Variants in ITCH observed in about 807,000 individuals in gnomAD.
The protein encoded by ITCH is itchy E3 ubiquitin protein ligase.
ITCH carries 28 observed loss-of-function variants against 126.8 expected under a neutral mutation model. The observed-to-expected ratio is 0.22, with a 90% CI of 0.16 to 0.30. ITCH has a LOEUF of 0.30. Ranked by LOEUF, ITCH falls within the 10% of genes least tolerant of loss-of-function variation. The probability of loss-of-function intolerance (pLI) is 1.00; values close to 1 mark genes in which losing one functional copy is unlikely to be tolerated. For missense variants in ITCH, 631 were observed against 1,032.4 expected, an observed-to-expected ratio of 0.61 and a Z score of 5.33; for synonymous variants, 342 against 340.0, an observed-to-expected ratio of 1.01 and a Z score of -0.06.
Position 34,508,253 on chromosome 20 carries a change from C to T in ITCH, c.*459C>T, listed in dbSNP as rs1312482690. The T allele has an allele frequency of 5.3e-6, 1 of 188,520 alleles. No homozygotes were observed. The highest frequency in any genetic ancestry group is 1.0e-4 in the South Asian group (1 of 9,844). 11.7% of individuals were successfully genotyped at this position (188,520 alleles called of 1,614,324 possible). A position where few individuals can be genotyped will look rare whatever the true frequency, so the allele number is the denominator to read the frequency against. On this transcript the variant is annotated 3_prime_UTR_variant, in exon 25 of 25. Transcript: ENST00000374864. ...TTACTCCTGCTTCTGGGGATGTGAG[C>T]AAAATTCGGGCTTGTGTTCTCCCTC...
intron 7 of ITCH, among the ~76,000 whole-genome samples, chr20:34,426,641 G>A (rs1415895239): frequency 2.5e-5 from 3 of 119,924 alleles, no homozygotes; most frequent in Admixed American, 1.5e-4. Context: ...GTAAGAGATG[G>A]GGTTTTGCCA....
chr20:34,468,432 A>G (rs1258746093), intron 14 of ITCH, among the ~76,000 whole-genome samples: 2 of 152,134 alleles, frequency 1.3e-5, no homozygotes, highest in African/African-American at 2.4e-5. Flanking sequence ...TAAGACAAGG[A>G]TATCTACTGT....
intron 3 of ITCH, among the ~76,000 whole-genome samples, chr20:34,405,664 A>G (rs569018866): frequency 6.6e-6 from 1 of 152,226 alleles, no homozygotes; most frequent in Non-Finnish European, 1.5e-5. Context: ...TGTTTGGGCT[A>G]TTTCACCTTT....
At chr20:34,370,219 C>T (rs183826124) in intron 2 of ITCH, among the ~76,000 whole-genome samples, 84 of 151,966 alleles carry the variant, frequency 5.5e-4, no homozygotes, top group African/African-American at 1.9e-3. Flanking sequence ...TGACTTTCGG[C>T]GAGTTATTTA....
chr20:34,481,274 A>G, intron 20 of ITCH, 68 bp downstream of exon 20: 1 of 1,446,694 alleles, frequency 6.9e-7, no homozygotes, highest in South Asian at 1.1e-5. Context: ...GCTTACTAAT[A>G]CTAATGGAGA....
At chr20:34,469,944 A>C in intron 14 of ITCH, 104 bp from the exon 15 acceptor site, 1 of 847,480 alleles carries the variant, frequency 1.2e-6, no homozygotes, top group South Asian at 1.3e-5. Flanking sequence ...ATATTTTTGA[A>C]TTTGGTTAGT....
At chr20:34,374,707 G>T (rs2037766851) in intron 2 of ITCH, among the ~76,000 whole-genome samples, 1 of 151,928 alleles carries the variant, frequency 6.6e-6, no homozygotes, top group African/African-American at 2.4e-5. Context: ...CAAGGGAGCA[G>T]CTGTTAAAGC....
chr20:34,395,148 A>C (rs1349770080), intron 3 of ITCH, among the ~76,000 whole-genome samples: 1 of 151,076 alleles, frequency 6.6e-6, no homozygotes, highest in Non-Finnish European at 1.5e-5. Flanking sequence ...CAGGAGAATC[A>C]CTTGAACCTA....
intron 23 of ITCH, among the ~76,000 whole-genome samples, chr20:34,502,238 C>G (rs1990297031): frequency 6.6e-6 from 1 of 151,936 alleles, no homozygotes; most frequent in Admixed American, 6.6e-5. Context: ...AAATATGCTG[C>G]TAGGTATGGT....
At chr20:34,419,126 T>C (rs1160723820) in intron 6 of ITCH, among the ~76,000 whole-genome samples, 1 of 152,156 alleles carries the variant, frequency 6.6e-6, no homozygotes, top group Non-Finnish European at 1.5e-5. Flanking sequence ...ACTGTAAAAA[T>C]TGAAGTATTG....
At chr20:34,469,222 AACAC>A (rs34998924) in intron 14 of ITCH, among the ~76,000 whole-genome samples, 69,451 of 149,088 alleles carry the variant, frequency 0.47, 16,559 homozygotes, top group Non-Finnish European at 0.53. Flanking sequence ...GCAAATTATA[AACAC>A]ACACACACAC....
At chr20:34,468,781 A>G (rs1030534681) in intron 14 of ITCH, among the ~76,000 whole-genome samples, 3 of 136,150 alleles carry the variant, frequency 2.2e-5, no homozygotes, top group Non-Finnish European at 4.8e-5. Flanking sequence ...ACAGAGCAAG[A>G]CTCCATCTCA....
chr20:34,503,465 T>A (rs557446588), intron 23 of ITCH, among the ~76,000 whole-genome samples: 1 of 152,244 alleles, frequency 6.6e-6, no homozygotes, highest in Non-Finnish European at 1.5e-5. Flanking sequence ...TATACTTGTA[T>A]CTGTTTTTGT....
At chr20:34,398,129 C>G (rs534650723) in intron 3 of ITCH, among the ~76,000 whole-genome samples, 1 of 152,072 alleles carries the variant, frequency 6.6e-6, no homozygotes, top group South Asian at 2.1e-4. Flanking sequence ...GCAGCGTGAT[C>G]ATGGCTCACT....
intron 16 of ITCH, among the ~76,000 whole-genome samples, chr20:34,474,365 CTT>C: frequency 6.6e-6 from 1 of 152,280 alleles, no homozygotes; most frequent in Admixed American, 6.5e-5. Flanking sequence ...GGTGATGACT[CTT>C]AACGAGCATG....
intron 14 of ITCH, among the ~76,000 whole-genome samples, chr20:34,467,678 A>ATTTTTTTTTTTT (rs147009659): frequency 1.0e-5 from 1 of 98,054 alleles, no homozygotes; most frequent in Non-Finnish European, 2.0e-5. Flanking sequence ...TTTCTTTTTC[A>ATTTTTTTTTTTT]TTTTTTTTTT....
At chr20:34,435,758 G>A (rs999365820) in intron 7 of ITCH, among the ~76,000 whole-genome samples, 25 of 152,322 alleles carry the variant, frequency 1.6e-4, no homozygotes, top group African/African-American at 5.5e-4. Context: ...AGGGGAAGCA[G>A]TTGGGCAAGG....
chr20:34,431,295 C>T lies in ITCH; in HGVS notation c.521+6770C>T, dbSNP rs185730463. On this transcript the variant is annotated intron_variant, in intron 7 of 24. Transcript: ENST00000374864. ...AGGTGAGGTAGCATGCTCCTGTAGT[C>T]CCAGCTACTCAGGAGGCTAAGGCGG... Among the ~76,000 whole-genome samples, 29 of 152,134 alleles carry T rather than the reference C, an allele frequency of 1.9e-4. No individual in the cohort carries two copies. The East Asian group carries it at 5.6e-3, about 29-fold the overall frequency.
chr20:34,428,216 A>G (rs1476798597), intron 7 of ITCH, among the ~76,000 whole-genome samples: 4 of 152,252 alleles, frequency 2.6e-5, no homozygotes, highest in Non-Finnish European at 5.9e-5. Context: ...AATAATGAGT[A>G]GTAGTCATAG....
Sources: allele counts gnomAD v4.1 joint callset (sites outside exome capture counted in the v4.1 genomes callset), GRCh38; gene constraint gnomAD v4.1.1; transcripts MANE v1.5; gene names NCBI Gene and HGNC (gene_info 2026-07-23, HGNC 2026-07-21).